The following PHC3 variants were observed in gnomAD, a reference collection of about 807,000 sequenced individuals.
PHC3 encodes polyhomeotic homolog 3.
A neutral mutation model predicts 107.4 loss-of-function variants in PHC3; 13 were observed. That is an observed-to-expected ratio of 0.12 (90% CI 0.08 to 0.19). The LOEUF is 0.19. Among genes scored for constraint, PHC3 ranks in the 10% least tolerant of loss-of-function variants. The pLI, the probability that PHC3 is intolerant of heterozygous loss-of-function variation, is 1.00. For missense variants in PHC3, 992 were observed against 1,210.9 expected, an observed-to-expected ratio of 0.82 and a Z score of 2.68; for synonymous variants, 456 against 427.4, an observed-to-expected ratio of 1.07 and a Z score of -0.83.
chr3:170,101,845 C>T (rs373480630), intron 14 of PHC3, among the ~76,000 whole-genome samples: 1 of 151,914 alleles, frequency 6.6e-6, no homozygotes, highest in African/African-American at 2.4e-5. Flanking sequence ...AACAGGAAAA[C>T]ATAAATAAGA....
intron 8 of PHC3, among the ~76,000 whole-genome samples, chr3:170,123,278 C>A (rs1403511931): frequency 6.6e-6 from 1 of 151,936 alleles, no homozygotes; most frequent in Non-Finnish European, 1.5e-5. Flanking sequence ...TTATATCTCT[C>A]CTTTTCTGTT....
rs139270411 is a variant in PHC3 at position 170,181,035 on chromosome 3, TACCGTCAC to T, written c.14+659_14+666del. ...AAGTTCTGGAGTCGTTAACTAAACA[TACCGTCAC>T]ACCGACACACAAGAATGTGGCCCGC... is the stretch of plus-strand genomic sequence containing the variant. On this transcript the variant is annotated intron_variant, in intron 1 of 14. Coordinates refer to ENST00000495893, the MANE Select transcript of PHC3 (RefSeq NM_024947.4). Among the ~76,000 whole-genome samples the T allele has an allele frequency of 1.9e-3, 286 of 152,248 alleles. 1 individual carries two copies. Among genetic ancestry groups the T allele is most frequent in the African/African-American group, 6.5e-3 (270 of 41,558 alleles).
chr3:170,173,206 A>C (rs570818265), intron 2 of PHC3, among the ~76,000 whole-genome samples: 1 of 151,900 alleles, frequency 6.6e-6, no homozygotes, highest in Admixed American at 6.6e-5. Context: ...AAAAAAAAAA[A>C]CAAAACAAAA....
At chr3:170,139,813 G>A (rs1308517692) in intron 6 of PHC3, among the ~76,000 whole-genome samples, 2 of 152,024 alleles carry the variant, frequency 1.3e-5, no homozygotes, top group African/African-American at 2.4e-5. Flanking sequence ...TAACATATAC[G>A]GATTTCCTTG....
chr3:170,152,771 C>T (rs1422006595), intron 4 of PHC3, among the ~76,000 whole-genome samples: 3 of 151,902 alleles, frequency 2.0e-5, no homozygotes, highest in Non-Finnish European at 4.4e-5. Flanking sequence ...GATGATCCTT[C>T]CACCTCAGCC....
intron 11 of PHC3, among the ~76,000 whole-genome samples, chr3:170,111,086 A>C (rs1717549518): frequency 6.6e-6 from 1 of 152,208 alleles, no homozygotes; most frequent in Non-Finnish European, 1.5e-5. Context: ...TTAACTAAAT[A>C]ACTATAAAAT....
At chr3:170,147,336 C>A (rs1180529397) in intron 5 of PHC3, 6 of 151,338 alleles carry the variant, frequency 4.0e-5, no homozygotes, top group African/African-American at 9.7e-5. Context: ...CAACCAAATG[C>A]GGATCCAAAA....
chr3:170,129,866 A>T (rs6809563), intron 7 of PHC3, among the ~76,000 whole-genome samples: 38,076 of 151,858 alleles, frequency 0.25, 5,448 homozygotes, highest in East Asian at 0.49. Context: ...CACCCGGCTA[A>T]CTTCTGTATT....
At chr3:170,173,985 G>A (rs922330611) in intron 2 of PHC3, among the ~76,000 whole-genome samples, 2 of 152,102 alleles carry the variant, frequency 1.3e-5, no homozygotes, top group African/African-American at 4.8e-5. Context: ...CTGAGGTCAG[G>A]AGTTCAAGAC....
chr3:170,181,733 T>G lies in PHC3; in HGVS notation c.-18A>C, dbSNP rs866357433. ...TCCGCCATCTTCTCTCCTCCATCAC[T>G]AACATGGGCTGCGCATGCGCCCCCC... is the stretch of plus-strand genomic sequence containing the variant. On this transcript the variant is annotated 5_prime_UTR_variant, in exon 1 of 15. Coordinates refer to ENST00000495893, the MANE Select transcript of PHC3 (RefSeq NM_024947.4). 14 of 1,611,842 alleles carry G rather than the reference T, an allele frequency of 8.7e-6. No individual in the cohort carries two copies. Among genetic ancestry groups the G allele is most frequent in the Middle Eastern group, 1.6e-4 (1 of 6,084 alleles).
intron 4 of PHC3, among the ~76,000 whole-genome samples, chr3:170,162,305 T>A (rs1050458073): frequency 1.3e-5 from 2 of 152,130 alleles, no homozygotes; most frequent in African/African-American, 4.8e-5. Context: ...ATATAACCAA[T>A]GCCTACTCAA....
chr3:170,152,046 T>C (rs1456539915), intron 4 of PHC3, among the ~76,000 whole-genome samples: 1 of 152,128 alleles, frequency 6.6e-6, no homozygotes, highest in Admixed American at 6.5e-5. Flanking sequence ...GTTGGTTATC[T>C]AATTCTCTAA....
At chr3:170,149,502 T>G (rs1303285188) in intron 4 of PHC3, among the ~76,000 whole-genome samples, 10 of 152,104 alleles carry the variant, frequency 6.6e-5, no homozygotes, top group African/African-American at 2.4e-4. Flanking sequence ...TTGCCCAGAC[T>G]GGAGTGCAAG....
chr3:170,140,584 C>CTTTTTT (rs57137783), intron 6 of PHC3, among the ~76,000 whole-genome samples: 278 of 69,640 alleles, frequency 4.0e-3, no homozygotes, highest in Non-Finnish European at 5.8e-3. Context: ...ATTTCTTTTT[C>CTTTTTT]TTTTTTTTTT....
chr3:170,160,142 T>C (rs145916160), intron 4 of PHC3, among the ~76,000 whole-genome samples: 10 of 152,336 alleles, frequency 6.6e-5, no homozygotes, highest in African/African-American at 2.2e-4. Context: ...AGTACTGGCA[T>C]AGACTGTCCT....
chr3:170,138,593 G>C (rs1470074481), intron 6 of PHC3, among the ~76,000 whole-genome samples: 3 of 150,558 alleles, frequency 2.0e-5, no homozygotes, highest in Non-Finnish European at 4.4e-5. Flanking sequence ...AGGAGGCTGA[G>C]GCAGGAGAAT....
At position 170,102,906 on chromosome 3, in the gene PHC3, C is replaced by T. The variant is rs751299053; in HGVS notation, c.2497G>A (p.Ala833Thr). The change falls in exon 13 of 15, where the codon GCA (alanine) becomes ACA (threonine). Residue 833 changes from alanine to threonine, a missense_variant. Ala to Thr is a moderately conservative substitution (Grantham distance 58). Around this residue, in one of 6 missense-constraint regions of PHC3, gnomAD observed 228 missense variants for 288.8 expected, o/e 0.79. Transcript: ENST00000495893. ...GGCTTACGATTCCAACGACTAAGTGCAAATTTTTTAGAACAGCTAACATTG... is the reference window on the plus strand; with the variant it reads ...GGCTTACGATTCCAACGACTAAGTGTAAATTTTTTAGAACAGCTAACATTG... ...RYNVSCSKKFALSRWNRKPDN... is the reference protein window; with the variant it reads ...RYNVSCSKKFTLSRWNRKPDN... 2 of 1,613,066 alleles carry T rather than the reference C, an allele frequency of 1.2e-6. No individual in the cohort carries two copies. The highest frequency in any genetic ancestry group is 1.7e-6 in the Non-Finnish European group (2 of 1,179,446).
Position 170,128,919 on chromosome 3 carries a change from G to A in PHC3, c.1553C>T (p.Ser518Leu), listed in dbSNP as rs369935692. 26 of 1,613,864 alleles carry A rather than the reference G, an allele frequency of 1.6e-5. No homozygotes were observed. Among genetic ancestry groups the A allele is most frequent in the Admixed American group, 6.7e-5 (4 of 60,002 alleles). Residue 518 changes from serine to leucine, a missense_variant, in exon 8 of 15, where the codon TCG becomes TTG. Ser to Leu is a moderately radical substitution (Grantham distance 145, BLOSUM62 -2). Around this residue, in one of 6 missense-constraint regions of PHC3, gnomAD observed 543 missense variants for 590.8 expected, o/e 0.92. Coordinates refer to ENST00000495893, the MANE Select transcript of PHC3 (RefSeq NM_024947.4). The part of the protein sequence containing the change: ...PIPIASPPQM[S>L]TSPPAQIPPL... ...TGGAATCTGAGCTGGAGGAGATGTC[G>A]ACATCTGTGGAGGACTTGCAATTGG...
At chr3:170,117,129 A>G in intron 10 of PHC3, 97 bp downstream of exon 10, 1 of 1,451,136 alleles carries the variant, frequency 6.9e-7, no homozygotes, top group Non-Finnish European at 9.5e-7. Flanking sequence ...TTCTTGAAAT[A>G]AAATTACAAG....
Sources: allele counts gnomAD v4.1 joint callset (sites outside exome capture counted in the v4.1 genomes callset), GRCh38; gene constraint gnomAD v4.1.1; regional missense constraint gnomAD v4.1.1; transcripts MANE v1.5; gene names NCBI Gene and HGNC (gene_info 2026-07-23, HGNC 2026-07-21).